Variants in DCC observed in about 807,000 individuals in gnomAD.
DCC encodes DCC netrin 1 receptor.
A neutral mutation model predicts 172.5 loss-of-function variants in DCC; 58 were observed. The observed-to-expected ratio is 0.34, with a 90% CI of 0.27 to 0.42. DCC has a LOEUF of 0.42. Among genes scored for constraint, DCC ranks in the 10% least tolerant of loss-of-function variants. The pLI, the probability that DCC is intolerant of heterozygous loss-of-function variation, is 1.00. For synonymous variants in DCC, 709 were observed against 644.5 expected (o/e 1.10, Z -1.52); for missense variants, 1,740 against 1,791.0 (o/e 0.97, Z 0.51).
chr18:52,612,655 T>G (rs546206144), intron 1 of DCC, among the ~76,000 whole-genome samples: 7 of 152,220 alleles, frequency 4.6e-5, no homozygotes, highest in African/African-American at 1.7e-4. Context: ...ATACTTGTCT[T>G]ATTTTATTAC....
intron 2 of DCC, among the ~76,000 whole-genome samples, chr18:52,772,372 TA>T (rs1325919856): frequency 7.2e-5 from 11 of 152,322 alleles, no homozygotes; most frequent in African/African-American, 2.4e-4. Flanking sequence ...CAGAAAGCCT[TA>T]TTAAATGCAT....
chr18:53,514,542 A>G lies in DCC; in HGVS notation c.4112-12075A>G, dbSNP rs189103172. 1.8e-3 allele frequency among the ~76,000 whole-genome samples: 269 copies of G among 152,332 alleles called. 1 individual carries two copies. Among genetic ancestry groups the G allele is most frequent in the African/African-American group, 6.4e-3 (267 of 41,582 alleles). ...TTTTGAAAGGATCAACAAAATTGAT[A>G]GACCACTAGCATGACTAATAAAGAA... On this transcript the variant is annotated intron_variant, in intron 27 of 28. Transcript: ENST00000442544.
At chr18:52,705,893 T>C (rs2036201678) in intron 1 of DCC, among the ~76,000 whole-genome samples, 1 of 152,332 alleles carries the variant, frequency 6.6e-6, no homozygotes, top group East Asian at 1.9e-4. Flanking sequence ...TGCCTAGATT[T>C]TGAAGTTTAA....
intron 5 of DCC, among the ~76,000 whole-genome samples, chr18:52,988,353 T>G (rs2041329093): frequency 6.6e-6 from 1 of 152,192 alleles, no homozygotes; most frequent in Non-Finnish European, 1.5e-5. Context: ...CTTTCTATTT[T>G]ATACTGAAAC....
chr18:52,683,663 C>T (rs1413469464), intron 1 of DCC, among the ~76,000 whole-genome samples: 1 of 152,012 alleles, frequency 6.6e-6, no homozygotes, highest in African/African-American at 2.4e-5. Flanking sequence ...CCAAGAGCTC[C>T]CTTTTGAACT....
intron 2 of DCC, among the ~76,000 whole-genome samples, chr18:52,811,546 G>A (rs934099518): frequency 1.4e-5 from 2 of 145,428 alleles, no homozygotes; most frequent in African/African-American, 4.9e-5. Flanking sequence ...AAACTAATTT[G>A]GATTGAGTAA....
intron 7 of DCC, among the ~76,000 whole-genome samples, chr18:53,072,827 T>G (rs1264431148): frequency 6.6e-6 from 1 of 152,228 alleles, no homozygotes; most frequent in Non-Finnish European, 1.5e-5. Context: ...GCACAGACTT[T>G]GGAGTCAATT....
At chr18:53,009,575 A>G (rs901026297) in intron 5 of DCC, among the ~76,000 whole-genome samples, 1 of 151,706 alleles carries the variant, frequency 6.6e-6, no homozygotes, top group African/African-American at 2.4e-5. Context: ...CTTTTTTTTT[A>G]GGCCATATGT....
rs1440406209 is a variant in DCC at position 52,906,026 on chromosome 18, T to C, written c.413-18T>C. On this transcript the variant is annotated intron_variant, in intron 2 of 28. Transcript: ENST00000442544. The stretch of plus-strand genomic sequence containing the variant: ...TTTATTTGGAAGACTTATTCTTCCT[T>C]CTTTGTTTTTCTCCTAGGACCACTG... The C allele has an allele frequency of 6.5e-7, 1 of 1,546,906 alleles. No homozygotes were observed. Among genetic ancestry groups the C allele is most frequent in the South Asian group, 1.1e-5 (1 of 89,662 alleles).
chr18:52,509,512 C>T (rs2031357233), intron 1 of DCC, among the ~76,000 whole-genome samples: 1 of 152,148 alleles, frequency 6.6e-6, no homozygotes, highest in Non-Finnish European at 1.5e-5. Context: ...TAAGCTTACC[C>T]ACAAAACTGA....
chr18:52,894,396 TACACACACAC>T (rs34974743), intron 2 of DCC, among the ~76,000 whole-genome samples: 2 of 148,812 alleles, frequency 1.3e-5, no homozygotes, highest in Admixed American at 6.7e-5. Flanking sequence ...ACAGGACACA[TACACACACAC>T]ACACACACAC....
intron 25 of DCC, among the ~76,000 whole-genome samples, chr18:53,485,361 A>G (rs1210587289): frequency 6.6e-6 from 1 of 152,136 alleles, no homozygotes; most frequent in Non-Finnish European, 1.5e-5. Flanking sequence ...CAAAAACCCA[A>G]TAAAACCCAA....
At chr18:53,250,920 G>C (rs371899410) in intron 12 of DCC, among the ~76,000 whole-genome samples, 1 of 151,842 alleles carries the variant, frequency 6.6e-6, no homozygotes. Flanking sequence ...GAGGTCATCC[G>C]TGACCTCTAT....
At chr18:53,364,131 C>T (rs949899442) in intron 15 of DCC, among the ~76,000 whole-genome samples, 1 of 151,954 alleles carries the variant, frequency 6.6e-6, no homozygotes, top group African/African-American at 2.4e-5. Context: ...TAGAAAGAGC[C>T]GTACACTTGG....
At chr18:53,107,889 G>A (rs903481083) in intron 7 of DCC, among the ~76,000 whole-genome samples, 4 of 151,516 alleles carry the variant, frequency 2.6e-5, no homozygotes, top group South Asian at 4.2e-4. Flanking sequence ...TTTCTATTAC[G>A]TTTTATTTCT....
intron 5 of DCC, among the ~76,000 whole-genome samples, chr18:52,958,065 G>C (rs1301694186): frequency 1.3e-5 from 2 of 152,098 alleles, no homozygotes; most frequent in African/African-American, 2.4e-5. Flanking sequence ...AGTGCAGCAG[G>C]AAAGCACACA....
At chr18:52,576,796 C>T (rs2033422735) in intron 1 of DCC, among the ~76,000 whole-genome samples, 1 of 149,536 alleles carries the variant, frequency 6.7e-6, no homozygotes, top group Admixed American at 6.7e-5. Flanking sequence ...CGCCACTGCA[C>T]TCCATCCTGG....
At chr18:52,912,950 TATG>T (rs2039991898) in intron 3 of DCC, among the ~76,000 whole-genome samples, 2 of 152,064 alleles carry the variant, frequency 1.3e-5, no homozygotes, top group African/African-American at 4.8e-5. Context: ...TTTTATGAAA[TATG>T]AGATTGTTCT....
At chr18:52,802,004 C>CTA (rs1476594471) in intron 2 of DCC, among the ~76,000 whole-genome samples, 7 of 144,174 alleles carry the variant, frequency 4.9e-5, no homozygotes, top group Non-Finnish European at 4.6e-5. Flanking sequence ...TTATTCTATT[C>CTA]TTTTTTTTTT....
Sources: allele counts gnomAD v4.1 joint callset (sites outside exome capture counted in the v4.1 genomes callset), GRCh38; gene constraint gnomAD v4.1.1; transcripts MANE v1.5; gene names NCBI Gene and HGNC (gene_info 2026-07-23, HGNC 2026-07-21).